CMIP: variants seen among roughly 807,000 people sequenced by gnomAD.
The protein encoded by CMIP is C-Maf-inducing protein.
Under a neutral mutation model 97.3 loss-of-function variants are expected in CMIP, and 13 were observed. That is an observed-to-expected ratio of 0.13 (90% CI 0.09 to 0.21). The LOEUF (loss-of-function observed/expected upper bound fraction) is 0.21, where lower values mean the gene tolerates loss of function less well. Ranked by LOEUF, CMIP falls within the 10% of genes least tolerant of loss-of-function variation. The pLI, the probability that CMIP is intolerant of heterozygous loss-of-function variation, is 1.00. For missense variants in CMIP, 847 were observed against 1,024.9 expected, an observed-to-expected ratio of 0.83 and a Z score of 2.37; for synonymous variants, 538 against 436.3, an observed-to-expected ratio of 1.23 and a Z score of -2.91.
chr16:81,676,533 G>T (rs1341294745), intron 9 of CMIP, among the ~76,000 whole-genome samples: 1 of 152,154 alleles, frequency 6.6e-6, no homozygotes, highest in Non-Finnish European at 1.5e-5. Flanking sequence ...GCAGTGTTGA[G>T]TACTTGGGGA....
intron 15 of CMIP, 51 bp downstream of exon 15, chr16:81,699,852 G>T (rs1321222712): frequency 1.6e-6 from 2 of 1,283,298 alleles, no homozygotes; most frequent in Non-Finnish European, 2.2e-6. Flanking sequence ...CCCGTCCCTT[G>T]TCCGTGCCGA....
At chr16:81,543,281 C>T (rs1003148955) in intron 1 of CMIP, among the ~76,000 whole-genome samples, 1 of 152,200 alleles carries the variant, frequency 6.6e-6, no homozygotes, top group Admixed American at 6.5e-5. Flanking sequence ...GGAAGACACC[C>T]TCTCCTCCCT....
chr16:81,476,146 C>T, intron 1 of CMIP: 1 of 1,055,612 alleles, frequency 9.5e-7, no homozygotes, highest in Non-Finnish European at 1.5e-6. Context: ...AGACCACGTG[C>T]TTGCGTTCAA....
chr16:81,536,590 C>T (rs1271462277), intron 1 of CMIP, among the ~76,000 whole-genome samples: 3 of 152,126 alleles, frequency 2.0e-5, no homozygotes, highest in Admixed American at 1.3e-4. Context: ...TCTATAAATG[C>T]AGAATTAGGG....
chr16:81,671,875 TGCCTGAGCAAC>T, intron 8 of CMIP, 80 bp from the exon 9 acceptor site: 1 of 648,440 alleles, frequency 1.5e-6, no homozygotes, highest in Non-Finnish European at 2.8e-6. Context: ...GGCAGCCCCG[TGCCTGAGCAAC>T]GCCCTCCCTT....
intron 2 of CMIP, among the ~76,000 whole-genome samples, chr16:81,618,062 C>T (rs914118579): frequency 2.6e-5 from 4 of 152,220 alleles, no homozygotes; most frequent in Admixed American, 1.3e-4. Flanking sequence ...AACTCACATC[C>T]GCGTTATACC....
chr16:81,640,858 T>C (rs575094450), intron 3 of CMIP, among the ~76,000 whole-genome samples: 58 of 152,052 alleles, frequency 3.8e-4, no homozygotes, highest in African/African-American at 1.2e-3. Flanking sequence ...CTCATCTTAA[T>C]TATATCTGCG....
chr16:81,666,373 T>C (rs1025231295), intron 7 of CMIP: 9 of 152,154 alleles, frequency 5.9e-5, no homozygotes, highest in Non-Finnish European at 1.3e-4. Context: ...TGTTAGTCAA[T>C]AAACCGTTTC....
chr16:81,462,738 T>C (rs115382327), intron 1 of CMIP, among the ~76,000 whole-genome samples: 125 of 152,314 alleles, frequency 8.2e-4, no homozygotes, highest in African/African-American at 2.8e-3. Context: ...AGTTCTTCAC[T>C]CTCTGATAAG....
At chr16:81,448,134 G>A (rs1208725455) in intron 1 of CMIP, among the ~76,000 whole-genome samples, 1 of 152,170 alleles carries the variant, frequency 6.6e-6, no homozygotes, top group Non-Finnish European at 1.5e-5. Flanking sequence ...CTGAGCTCCC[G>A]ATATTCCAAG....
chr16:81,673,475 C>T (rs1301991289), intron 9 of CMIP, among the ~76,000 whole-genome samples: 1 of 152,070 alleles, frequency 6.6e-6, no homozygotes, highest in Admixed American at 6.6e-5. Flanking sequence ...AAGATCACAC[C>T]ACTGCACTCC....
intron 1 of CMIP, among the ~76,000 whole-genome samples, chr16:81,570,118 C>T (rs1319788793): frequency 3.3e-5 from 5 of 152,172 alleles, no homozygotes; most frequent in African/African-American, 9.7e-5. Flanking sequence ...CTTCTGCAGA[C>T]GGGCTTGTCT....
At chr16:81,653,818 G>C (rs904955688) in intron 4 of CMIP, among the ~76,000 whole-genome samples, 1 of 152,172 alleles carries the variant, frequency 6.6e-6, no homozygotes, top group African/African-American at 2.4e-5. Flanking sequence ...TCACCGTGTT[G>C]GCCAGGCTGG....
chr16:81,476,609 A>G (rs763362429), intron 1 of CMIP: 3 of 439,076 alleles, frequency 6.8e-6, no homozygotes, highest in Non-Finnish European at 1.3e-5. Flanking sequence ...TAGTATCATT[A>G]CTTGGGCCTT....
chr16:81,465,229 G>A (rs1394158574), intron 1 of CMIP, among the ~76,000 whole-genome samples: 1 of 152,176 alleles, frequency 6.6e-6, no homozygotes, highest in Non-Finnish European at 1.5e-5. Context: ...CATTTTTGTA[G>A]GGTGTTCATT....
chr16:81,495,385 G>GT, intron 1 of CMIP: 1 of 1,542,040 alleles, frequency 6.5e-7, no homozygotes, highest in Non-Finnish European at 8.8e-7. Flanking sequence ...TGGCATAACC[G>GT]TTTGAGAACA....
intron 1 of CMIP, among the ~76,000 whole-genome samples, chr16:81,602,689 C>T (rs555122016): frequency 6.6e-6 from 1 of 152,344 alleles, no homozygotes; most frequent in East Asian, 1.9e-4. Context: ...CCTTACACTG[C>T]TCTTAACGTT....
At chr16:81,670,532 A>G (rs971209368) in intron 8 of CMIP, among the ~76,000 whole-genome samples, 2 of 147,998 alleles carry the variant, frequency 1.4e-5, no homozygotes, top group East Asian at 2.1e-4. Context: ...TGCTTGAACA[A>G]TCACCCCATA....
intron 10 of CMIP, among the ~76,000 whole-genome samples, chr16:81,680,325 A>G (rs943782872): frequency 6.6e-6 from 1 of 152,168 alleles, no homozygotes; most frequent in Non-Finnish European, 1.5e-5. Flanking sequence ...GCAGCTTCTG[A>G]GGGCCTGGTG....
Sources: allele counts gnomAD v4.1 joint callset (sites outside exome capture counted in the v4.1 genomes callset), GRCh38; gene constraint gnomAD v4.1.1; transcripts MANE v1.5; gene names NCBI Gene and HGNC (gene_info 2026-07-23, HGNC 2026-07-21).